CDC73: variants seen among roughly 807,000 people sequenced by gnomAD.
CDC73 encodes cell division cycle 73.
Under a neutral mutation model 83.7 loss-of-function variants are expected in CDC73, and 21 were observed. That is an observed-to-expected ratio of 0.25 (90% CI 0.18 to 0.36). The LOEUF is 0.36. CDC73 is among the 10% of genes least tolerant of loss of function. CDC73 has a pLI of 1.00. For synonymous variants in CDC73, 224 were observed against 212.9 expected, an observed-to-expected ratio of 1.05 and a Z score of -0.45; for missense variants, 342 against 653.3, an observed-to-expected ratio of 0.52 and a Z score of 5.19.
At chr1:193,211,422 T>G (rs1421706027) in intron 11 of CDC73, among the ~76,000 whole-genome samples, 1 of 152,236 alleles carries the variant, frequency 6.6e-6, no homozygotes, top group Non-Finnish European at 1.5e-5. Flanking sequence ...TTTTATTTTT[T>G]TCTCTTCAAC....
At chr1:193,209,474 C>G (rs1677241947) in intron 11 of CDC73, among the ~76,000 whole-genome samples, 1 of 152,166 alleles carries the variant, frequency 6.6e-6, no homozygotes, top group African/African-American at 2.4e-5. Flanking sequence ...CTTGCCTAGA[C>G]AGTGGCAAAA....
intron 3 of CDC73, among the ~76,000 whole-genome samples, chr1:193,132,865 C>T (rs1675719520): frequency 6.6e-6 from 1 of 150,456 alleles, no homozygotes; most frequent in Non-Finnish European, 1.5e-5. Flanking sequence ...AGTAGAGTTG[C>T]CCTTTATCCA....
chr1:193,211,070 CTA>C (rs1677269943), intron 11 of CDC73, among the ~76,000 whole-genome samples: 1 of 152,070 alleles, frequency 6.6e-6, no homozygotes, highest in South Asian at 2.1e-4. Flanking sequence ...CTCTTTTTTG[CTA>C]GACCTGAACA....
intron 10 of CDC73, among the ~76,000 whole-genome samples, chr1:193,194,163 A>T (rs1488215104): frequency 6.6e-6 from 1 of 152,186 alleles, no homozygotes; most frequent in Non-Finnish European, 1.5e-5. Flanking sequence ...CTTCAAACTT[A>T]AATCAGTTAA....
chr1:193,152,570 C>A, intron 10 of CDC73, 126 bp downstream of exon 10: 2 of 677,738 alleles, frequency 3.0e-6, no homozygotes, highest in Non-Finnish European at 2.7e-6. Flanking sequence ...ATCACTTGTG[C>A]TGATTGATCT....
rs1335138691 is a variant in CDC73 at position 193,225,244 on chromosome 1, T to TGA, written c.1155-7748_1155-7747dup. On this transcript the variant is annotated intron_variant, in intron 13 of 16. Transcript: ENST00000367435. The stretch of plus-strand genomic sequence containing the variant: ...CCTTTTATGGCTGAGTAGTATTCCA[T>TGA]GATATATATATATATATATATATAT... 1.5e-4 allele frequency among the ~76,000 whole-genome samples: 7 copies of TGA among 45,804 alleles called. No homozygotes were observed. In the East Asian group the frequency reaches 2.2e-3, roughly 14 times the overall value. 30.0% of individuals were successfully genotyped at this position (45,804 alleles called of 152,430 possible).
chr1:193,178,254 A>G (rs935804798), intron 10 of CDC73, among the ~76,000 whole-genome samples: 2 of 152,138 alleles, frequency 1.3e-5, no homozygotes, highest in East Asian at 1.9e-4. Flanking sequence ...AGTGTCTGAT[A>G]TCAGATTACT....
rs1019238426 is a variant in CDC73 at position 193,252,253 on chromosome 1, T to G, written c.*1541T>G. The stretch of plus-strand genomic sequence containing the variant: ...CCTATTTTCCTCCCTTTTTAGCGTC[T>G]TCTTTCCTTAAAGATAAAAGAAAAC... On this transcript the variant is annotated 3_prime_UTR_variant, in exon 17 of 17. Coordinates refer to ENST00000367435, the MANE Select transcript of CDC73 (RefSeq NM_024529.5). The G allele has an allele frequency of 3.0e-5, 7 of 230,802 alleles. No homozygotes were observed. Among genetic ancestry groups the G allele is most frequent in the African/African-American group, 6.6e-5 (3 of 45,260 alleles). The allele number at this position is 230,802 out of a possible 1,614,324, so 14.3% of individuals were successfully genotyped here.
intron 11 of CDC73, among the ~76,000 whole-genome samples, chr1:193,211,841 T>TATA (rs1677284863): frequency 6.6e-6 from 1 of 152,218 alleles, no homozygotes; most frequent in Non-Finnish European, 1.5e-5. Context: ...AACAGAACTA[T>TATA]GGATGTTGTA....
intron 13 of CDC73, among the ~76,000 whole-genome samples, chr1:193,216,941 A>T (rs1332015654): frequency 6.6e-6 from 1 of 152,140 alleles, no homozygotes; most frequent in African/African-American, 2.4e-5. Flanking sequence ...ACATACCTCA[A>T]ACTAATGAGA....
chr1:193,181,600 G>A, intron 10 of CDC73: 1 of 1,507,132 alleles, frequency 6.6e-7, no homozygotes, highest in South Asian at 1.3e-5. Flanking sequence ...AGAGATTGGT[G>A]ACCAAAAATG....
chr1:193,140,628 C>T (rs1572154102), intron 6 of CDC73, among the ~76,000 whole-genome samples: 1 of 152,042 alleles, frequency 6.6e-6, no homozygotes, highest in Admixed American at 6.6e-5. Flanking sequence ...ATCTGATAAC[C>T]GAGATGGCTA....
intron 7 of CDC73, 46 bp from the exon 8 acceptor site, chr1:193,147,821 A>T (rs140402302): frequency 1.0e-6 from 1 of 993,314 alleles, no homozygotes; most frequent in Admixed American, 1.9e-5. Flanking sequence ...TAAATTTACT[A>T]TTGTATATTT....
At chr1:193,234,267 T>TTATAATATATATAATTTATTATATA (rs35586186) in intron 14 of CDC73, among the ~76,000 whole-genome samples, 8 of 108,894 alleles carry the variant, frequency 7.3e-5, no homozygotes, top group Non-Finnish European at 1.1e-4. Flanking sequence ...TATAATTTAA[T>TTATAATATATATAATTTATTATATA]TATAATATAT....
intron 15 of CDC73, among the ~76,000 whole-genome samples, chr1:193,243,340 CGCATCATT>C (rs1401881549): frequency 6.6e-6 from 1 of 152,012 alleles, no homozygotes; most frequent in Non-Finnish European, 1.5e-5. Context: ...AAGTTTGTTT[CGCATCATT>C]GCTTCATGCG....
chr1:193,122,371 G>A (rs1427432658), intron 1 of CDC73, 40 bp downstream of exon 1: 1 of 1,613,516 alleles, frequency 6.2e-7, no homozygotes, highest in Non-Finnish European at 8.5e-7. Flanking sequence ...TGGCAGGGCA[G>A]AGTTGGGCGC....
chr1:193,223,237 T>A (rs1203849101), intron 13 of CDC73, among the ~76,000 whole-genome samples: 3 of 152,120 alleles, frequency 2.0e-5, no homozygotes, highest in Non-Finnish European at 4.4e-5. Flanking sequence ...CATTTTATTT[T>A]TTTTTTATTT....
chr1:193,211,471 A>T (rs987922096), intron 11 of CDC73, among the ~76,000 whole-genome samples: 1 of 151,976 alleles, frequency 6.6e-6, no homozygotes, highest in Non-Finnish European at 1.5e-5. Context: ...AGTAGTAGAG[A>T]TTTTCACCTT....
At chr1:193,215,849 CGAAG>C (rs1677358681) in intron 13 of CDC73, among the ~76,000 whole-genome samples, 1 of 151,988 alleles carries the variant, frequency 6.6e-6, no homozygotes. Context: ...CTTGGCCTCC[CGAAG>C]GGCTGGGATT....
Sources: gnomAD v4.1 joint callset for allele counts (sites outside exome capture counted in the v4.1 genomes callset) on GRCh38, gnomAD v4.1.1 for gene constraint, MANE v1.5 for transcripts, NCBI Gene and HGNC (gene_info 2026-07-23, HGNC 2026-07-21) for gene names.